Variants in DAPK1 observed in about 807,000 individuals in gnomAD.
DAPK1 encodes the protein death-associated protein kinase 1.
Under a neutral mutation model 144.9 loss-of-function variants are expected in DAPK1, and 56 were observed. The ratio of observed to expected loss-of-function variants is 0.39; its 90% CI spans 0.31 to 0.48. DAPK1 has a LOEUF of 0.48. Among genes scored for constraint, DAPK1 ranks in the 20% least tolerant of loss-of-function variants. The probability of loss-of-function intolerance (pLI) is 0.95; values close to 1 mark genes in which losing one functional copy is unlikely to be tolerated. For missense variants in DAPK1, 1,454 were observed against 1,875.4 expected (o/e 0.78, Z 4.15); for synonymous variants, 690 against 749.0 (o/e 0.92, Z 1.29).
At chr9:87,691,508 T>G (rs769750804) in intron 21 of DAPK1, among the ~76,000 whole-genome samples, 5 of 152,180 alleles carry the variant, frequency 3.3e-5, no homozygotes, top group South Asian at 2.1e-4. Context: ...CTGACCTTTA[T>G]TATTTCTTTT....
chr9:87,632,630 A>G lies in DAPK1; in HGVS notation c.285-5313A>G, dbSNP rs376231219. Reference sequence around the variant, plus strand: ...TAGGAATGAAGGGTGATCAGTATATATGTAGGGATGAAGGAGGATGAGTAC... The same window carrying G: ...TAGGAATGAAGGGTGATCAGTATATGTGTAGGGATGAAGGAGGATGAGTAC... On this transcript the variant is annotated intron_variant, in intron 3 of 25. Transcript: ENST00000408954. 12 of 982,898 alleles carry G rather than the reference A, an allele frequency of 1.2e-5. No homozygotes were observed. In the African/African-American group the frequency reaches 1.9e-4, roughly 16 times the overall value. The allele number at this position is 982,898 out of a possible 1,614,324, so 60.9% of individuals were successfully genotyped here. A position where few individuals can be genotyped will look rare whatever the true frequency, so the allele number is the denominator to read the frequency against.
intron 3 of DAPK1, among the ~76,000 whole-genome samples, chr9:87,608,743 A>G (rs1233187033): frequency 6.6e-6 from 1 of 152,234 alleles, no homozygotes; most frequent in Non-Finnish European, 1.5e-5. Flanking sequence ...CTCACTAGGA[A>G]CAGCTTTTAG....
At position 87,638,098 on chromosome 9, in the gene DAPK1, A is replaced by C; in HGVS notation, c.423+17A>C. ...GATCTTAAGGTACGTTTCAAAGTGT[A>C]AGCCAGATAGAAGCTTGTGCAGATC... On this transcript the variant is annotated intron_variant, in intron 4 of 25. Transcript: ENST00000408954. 6.2e-7 allele frequency: 1 copy of C among 1,604,652 alleles called. No homozygotes were observed. Among genetic ancestry groups the C allele is most frequent in the Non-Finnish European group, 8.5e-7 (1 of 1,172,830 alleles).
At chr9:87,695,484 C>CCA (rs1564075219) in intron 21 of DAPK1, among the ~76,000 whole-genome samples, 2 of 152,180 alleles carry the variant, frequency 1.3e-5, no homozygotes, top group Non-Finnish European at 2.9e-5. Flanking sequence ...ACTGGAGGTT[C>CCA]CGGGAGTCCT....
At chr9:87,505,735 G>A (rs557063885) in intron 2 of DAPK1, among the ~76,000 whole-genome samples, 4 of 152,024 alleles carry the variant, frequency 2.6e-5, no homozygotes, top group Non-Finnish European at 4.4e-5. Context: ...TGTTGCCCAG[G>A]CTAGAGTGCA....
intron 2 of DAPK1, among the ~76,000 whole-genome samples, chr9:87,575,848 A>G (rs1827537260): frequency 6.6e-6 from 1 of 152,196 alleles, no homozygotes; most frequent in Admixed American, 6.5e-5. Context: ...CTCAAACAAA[A>G]CAACCCTCGC....
chr9:87,680,601 T>C lies in DAPK1; in HGVS notation c.2002-803T>C, dbSNP rs575113360. Among the ~76,000 whole-genome samples the C allele has an allele frequency of 7.9e-5, 12 of 152,190 alleles. No homozygotes were observed. The South Asian group carries it at 2.1e-3, about 26-fold the overall frequency. The stretch of plus-strand genomic sequence containing the variant: ...AGTGGACATTTGGGCCATCCAATTA[T>C]GTTTTTCTGATAAATTTCTAAATAA... On this transcript the variant is annotated intron_variant, in intron 19 of 25. Coordinates refer to ENST00000408954, the MANE Select transcript of DAPK1 (RefSeq NM_004938.4).
chr9:87,654,220 A>G (rs1200636548), intron 17 of DAPK1, among the ~76,000 whole-genome samples: 2 of 152,196 alleles, frequency 1.3e-5, no homozygotes, highest in Non-Finnish European at 2.9e-5. Flanking sequence ...TTCATTACCA[A>G]ACAACACAGA....
At chr9:87,550,239 C>T (rs1826426212) in intron 2 of DAPK1, among the ~76,000 whole-genome samples, 1 of 152,170 alleles carries the variant, frequency 6.6e-6, no homozygotes, top group South Asian at 2.1e-4. Context: ...ACCATAGGTT[C>T]GTTTAACCTG....
chr9:87,648,405 C>T (rs1830337788), intron 14 of DAPK1, among the ~76,000 whole-genome samples: 1 of 152,232 alleles, frequency 6.6e-6, no homozygotes, highest in African/African-American at 2.4e-5. Context: ...TAAAATTGTT[C>T]ATTTAAGTAA....
rs377225421 is a variant in DAPK1, at chr9:87,703,186, G to T, written c.3029G>T (p.Arg1010Leu). ...NPLASEEDLR[R>L]IAQQLHSTGE... ...CTGGCCAGCGAGGAGGACCTCAGGC[G>T]CATTGCTCAGCAGCTCCACAGCACA... The change falls in exon 25 of 26, where the codon CGC (arginine) becomes CTC (leucine). Residue 1010 changes from arginine (R) to leucine (L), a missense_variant. Coordinates refer to ENST00000408954, the MANE Select transcript of DAPK1 (RefSeq NM_004938.4). 2.5e-6 allele frequency: 4 copies of T among 1,611,752 alleles called. No individual in the cohort carries two copies. The highest frequency in any genetic ancestry group is 1.7e-6 in the Non-Finnish European group (2 of 1,177,818).
chr9:87,570,953 C>A (rs1827307671), intron 2 of DAPK1, among the ~76,000 whole-genome samples: 1 of 152,080 alleles, frequency 6.6e-6, no homozygotes, highest in African/African-American at 2.4e-5. Context: ...TAAGTAAACA[C>A]CCCCAGGATT....
chr9:87,602,033 G>A (rs1199472796), intron 2 of DAPK1, among the ~76,000 whole-genome samples: 2 of 152,158 alleles, frequency 1.3e-5, no homozygotes, highest in South Asian at 2.1e-4. Flanking sequence ...GGGAGGGTGG[G>A]AAAGGCAAGA....
At chr9:87,571,528 C>CACACA (rs55676810) in intron 2 of DAPK1, among the ~76,000 whole-genome samples, 9 of 135,698 alleles carry the variant, frequency 6.6e-5, no homozygotes, top group East Asian at 2.1e-4. Flanking sequence ...CACACACACA[C>CACACA]CAGAAGCGAA....
At chr9:87,589,456 A>G (rs1329227718) in intron 2 of DAPK1, among the ~76,000 whole-genome samples, 2 of 152,002 alleles carry the variant, frequency 1.3e-5, no homozygotes, top group Admixed American at 6.6e-5. Flanking sequence ...GGAGCACAGC[A>G]CCCCTTAAAC....
At chr9:87,640,492 A>G in intron 8 of DAPK1, 42 bp downstream of exon 8, 1 of 1,598,334 alleles carries the variant, frequency 6.3e-7, no homozygotes, top group Non-Finnish European at 8.5e-7. Flanking sequence ...CCACGGCCTC[A>G]GCCAGCCCAG....
intron 2 of DAPK1, among the ~76,000 whole-genome samples, chr9:87,534,704 G>A (rs149634658): frequency 1.3e-5 from 2 of 151,158 alleles, no homozygotes; most frequent in Admixed American, 6.6e-5. Context: ...GAGTGTAGTG[G>A]CGCGATCTGG....
chr9:87,619,728 G>A (rs530561678), intron 3 of DAPK1, among the ~76,000 whole-genome samples: 3 of 152,276 alleles, frequency 2.0e-5, no homozygotes, highest in East Asian at 1.9e-4. Flanking sequence ...GGGACTCCAC[G>A]GGACAGGCAT....
At chr9:87,541,142 T>G (rs758938336) in intron 2 of DAPK1, among the ~76,000 whole-genome samples, 1 of 152,226 alleles carries the variant, frequency 6.6e-6, no homozygotes, top group Admixed American at 6.5e-5. Context: ...ATCTTTTTAG[T>G]AAACATTGGA....
Sources: gnomAD v4.1 joint callset for allele counts (sites outside exome capture counted in the v4.1 genomes callset) on GRCh38, gnomAD v4.1.1 for gene constraint, MANE v1.5 for transcripts, NCBI Gene and HGNC (gene_info 2026-07-23, HGNC 2026-07-21) for gene names.